Variants in VWA5B1 observed in about 807,000 individuals in gnomAD.
VWA5B1 encodes the protein von Willebrand factor A domain containing 5B1, also known as von Willebrand factor A domain-containing protein 5B1.
VWA5B1 carries 115 observed loss-of-function variants against 118.2 expected under a neutral mutation model. The ratio of observed to expected loss-of-function variants is 0.97; its 90% CI spans 0.84 to 1.14. VWA5B1 has a LOEUF of 1.14. Among genes scored for constraint, VWA5B1 ranks in the 50% most tolerant of loss-of-function variants. VWA5B1 has a pLI of 0.00. For missense variants in VWA5B1, 1,596 were observed against 1,603.8 expected (o/e 1.00, Z 0.08); for synonymous variants, 682 against 658.4 (o/e 1.04, Z -0.55).
chr1:20,298,040 T>A (rs2088440252), intron 1 of VWA5B1, among the ~76,000 whole-genome samples: 1 of 145,462 alleles, frequency 6.9e-6, no homozygotes, highest in Non-Finnish European at 1.5e-5. Flanking sequence ...GGACAGAGTC[T>A]TGCTCTGTCT....
At position 20,343,182 on chromosome 1, in the gene VWA5B1, G is replaced by A. The variant is rs926415979; in HGVS notation, c.2415G>A (p.Pro805=). The A allele has an allele frequency of 5.8e-6, 9 of 1,549,010 alleles. No homozygotes were observed. The highest frequency in any genetic ancestry group is 1.2e-5 in the South Asian group (1 of 83,950). ...ERASPSRPAT[P]APVLGKALVK... Reference sequence around the variant, plus strand: ...CCAGTCCCAGCAGGCCCGCCACCCCGGCCCCGGTGCTGGGCAAGGCCCTGG... The same window carrying A: ...CCAGTCCCAGCAGGCCCGCCACCCCAGCCCCGGTGCTGGGCAAGGCCCTGG... The change falls in exon 16 of 22, where the codon CCG becomes CCA. Residue 805 remains proline (P), a synonymous_variant. Transcript: ENST00000289815.
chr1:20,307,108 G>A (rs1371553928), intron 1 of VWA5B1, among the ~76,000 whole-genome samples: 1 of 152,124 alleles, frequency 6.6e-6, no homozygotes, highest in South Asian at 2.1e-4. Context: ...ACAAAGACAC[G>A]CTGTGTGGCA....
Position 20,300,446 on chromosome 1 carries a change from C to T in VWA5B1, c.-27+9358C>T, listed in dbSNP as rs184685409. ...GCCAGGACCCAGAGCCCAGAGGGAC[C>T]CCGTGGGAAGGACCTTCTCCAGGTC... On this transcript the variant is annotated intron_variant, in intron 1 of 21. Transcript: ENST00000289815. 1.1e-4 allele frequency among the ~76,000 whole-genome samples: 16 copies of T among 152,154 alleles called. No homozygotes were observed. In the East Asian group the frequency reaches 3.1e-3, roughly 30 times the overall value.
rs1356101920 is a variant in VWA5B1, at chr1:20,317,534, G to C, written c.568G>C (p.Asp190His). Residue 190 changes from aspartate to histidine, a missense_variant, in exon 5 of 22, where the codon GAC becomes CAC. By Grantham distance (81) the Asp-to-His change is moderately conservative. Transcript: ENST00000289815. ...CTTCCCCCGGCCCTTTTCCAGCAAA[G>C]ACAGGCACTGCTTCGGTGCCTGGGC... is the stretch of plus-strand genomic sequence containing the variant. ...GTSNQQAQGKDRHCFGAWAPG... is the reference protein window; with the variant it reads ...GTSNQQAQGKHRHCFGAWAPG... 1 of 1,551,358 alleles carries C rather than the reference G, an allele frequency of 6.4e-7. No individual in the cohort carries two copies. The highest frequency in any genetic ancestry group is 2.4e-5 in the East Asian group (1 of 40,904).
At chr1:20,350,953 ACT>A in intron 20 of VWA5B1, 27 bp downstream of exon 20, 1 of 1,548,280 alleles carries the variant, frequency 6.5e-7, no homozygotes, top group Non-Finnish European at 8.7e-7. Context: ...ATAAAGGTAC[ACT>A]CTCCTGCCAC....
At chr1:20,291,284 A>G (rs143386052) in intron 1 of VWA5B1, among the ~76,000 whole-genome samples, 196 bp downstream of exon 1, 71 of 151,944 alleles carry the variant, frequency 4.7e-4, no homozygotes, top group Admixed American at 9.2e-4. Context: ...ATGCTTCAGC[A>G]TAAGAAGTGA....
At chr1:20,295,773 C>G (rs1427497174) in intron 1 of VWA5B1, among the ~76,000 whole-genome samples, 3 of 152,138 alleles carry the variant, frequency 2.0e-5, no homozygotes, top group Non-Finnish European at 2.9e-5. Context: ...ATGGGTCTAC[C>G]TGGTTCGCCG....
In VWA5B1 at chr1:20,352,162, A is replaced by G. The variant is rs938321894; in HGVS notation, c.3131A>G (p.Tyr1044Cys). 1.9e-6 allele frequency: 3 copies of G among 1,550,928 alleles called. No individual in the cohort carries two copies. The highest frequency in any genetic ancestry group is 4.9e-5 in the East Asian group (2 of 40,890). ...ESTSGNQSFD[Y>C]IPLVSLQLAS... ...ACCTCCGGGAACCAGAGCTTCGACT[A>G]CATACCTCTGGTGAGTGCCCTGACC... Residue 1044 changes from tyrosine to cysteine, a missense_variant, in exon 21 of 22, where the codon TAC (tyrosine) becomes TGC (cysteine). Coordinates refer to ENST00000289815, the MANE Select transcript of VWA5B1 (RefSeq NM_001039500.3).
At chr1:20,320,855 G>A (rs2089187800) in intron 7 of VWA5B1, among the ~76,000 whole-genome samples, 1 of 152,170 alleles carries the variant, frequency 6.6e-6, no homozygotes, top group African/African-American at 2.4e-5. Flanking sequence ...TGGCAGATGT[G>A]GCTGCTTCTG....
Position 20,343,248 on chromosome 1 carries a change from G to A in VWA5B1, c.2481G>A (p.Val827=), listed in dbSNP as rs771265220. 2.9e-4 allele frequency: 442 copies of A among 1,548,938 alleles called. No individual in the cohort carries two copies. Among genetic ancestry groups the A allele is most frequent in the South Asian group, 8.8e-4 (74 of 84,050 alleles). ...LHDSQRLQWE[V]SFELGTPGPE... is the part of the protein sequence containing the mutation. ...ACAGCCAACGCCTGCAGTGGGAGGT[G>A]AGCTTCGAGCTGGGGACCCCTGGAC... The change falls in exon 16 of 22, where the codon GTG becomes GTA. Residue 827 remains valine, a synonymous_variant. Transcript: ENST00000289815.
chr1:20,327,854 T>G (rs1276356414), intron 8 of VWA5B1, 36 bp from the exon 9 acceptor site: 2 of 1,527,988 alleles, frequency 1.3e-6, no homozygotes, highest in African/African-American at 2.8e-5. Flanking sequence ...CAAGAACTCC[T>G]TCCTGAATCC....
intron 1 of VWA5B1, among the ~76,000 whole-genome samples, chr1:20,306,688 G>T (rs2088665289): frequency 6.6e-6 from 1 of 152,162 alleles, no homozygotes; most frequent in Non-Finnish European, 1.5e-5. Context: ...TATGAATAAT[G>T]TCCTGCCCAG....
chr1:20,356,068 A>G lies in VWA5B1; in HGVS notation c.*1805A>G, dbSNP rs2101038635. On this transcript the variant is annotated 3_prime_UTR_variant, in exon 22 of 22. Transcript: ENST00000289815. ...GGTTGTCTTGCTCCAGGCTTCCAGG[A>G]GATGTGAGCGGAGCTTTGTCATCTC... 6.6e-6 allele frequency among the ~76,000 whole-genome samples: 1 copy of G among 152,298 alleles called. No homozygotes were observed. The highest frequency in any genetic ancestry group is 2.1e-4 in the South Asian group (1 of 4,820).
At chr1:20,294,848 C>T (rs934703558) in intron 1 of VWA5B1, among the ~76,000 whole-genome samples, 1 of 152,228 alleles carries the variant, frequency 6.6e-6, no homozygotes, top group African/African-American at 2.4e-5. Context: ...CTCAGCCTCC[C>T]AAAATGCTGG....
In VWA5B1 at chr1:20,355,598, C is replaced by T. The variant is rs1183554880; in HGVS notation, c.*1335C>T. ...CTTGGAGTGAAGCTCCACAGACTTC[C>T]CTCGTGGGAAGGCCTTGGAAGCTTA... On this transcript the variant is annotated 3_prime_UTR_variant, in exon 22 of 22. Coordinates refer to ENST00000289815, the MANE Select transcript of VWA5B1 (RefSeq NM_001039500.3). 6.6e-6 allele frequency among the ~76,000 whole-genome samples: 1 copy of T among 152,230 alleles called. No individual in the cohort carries two copies. Among genetic ancestry groups the T allele is most frequent in the African/African-American group, 2.4e-5 (1 of 41,468 alleles).
intron 1 of VWA5B1, among the ~76,000 whole-genome samples, chr1:20,300,155 G>A (rs1036843707): frequency 6.6e-5 from 10 of 152,224 alleles, no homozygotes; most frequent in African/African-American, 2.2e-4. Flanking sequence ...GCTGCAAAGT[G>A]AGGATGAGCT....
chr1:20,314,562 G>A lies in VWA5B1; in HGVS notation c.533G>A (p.Ser178Asn), dbSNP rs1392270177. The change falls in exon 4 of 22, where the codon AGC becomes AAC. Residue 178 changes from serine to asparagine, a missense_variant. Coordinates refer to ENST00000289815, the MANE Select transcript of VWA5B1 (RefSeq NM_001039500.3). ...ACCGTGCCCCAGTTCTGCACCAAGAGCACTGGCACCTCCAACCAACAGGCC... is the reference window on the plus strand; with the variant it reads ...ACCGTGCCCCAGTTCTGCACCAAGAACACTGGCACCTCCAACCAACAGGCC... ...APTVPQFCTK[S>N]TGTSNQQAQG... 1 of 1,551,632 alleles carries A rather than the reference G, an allele frequency of 6.4e-7. No individual in the cohort carries two copies. The highest frequency in any genetic ancestry group is 2.0e-5 in the Admixed American group (1 of 51,012).
In VWA5B1 at chr1:20,331,778, G is replaced by A. The variant is rs144641732; in HGVS notation, c.1572+795G>A. ...CTCAAAAGCTGGGGTGCTGCATCTG[G>A]AAGCTGTCACCTAACGGCATTTCTT... is the stretch of plus-strand genomic sequence containing the variant. On this transcript the variant is annotated intron_variant, in intron 11 of 21. Transcript: ENST00000289815. Among the ~76,000 whole-genome samples the A allele has an allele frequency of 2.0e-5, 3 of 152,188 alleles. No homozygotes were observed. The East Asian group carries it at 5.8e-4, about 29-fold the overall frequency.
At chr1:20,313,679 G>A (rs1263856025) in intron 3 of VWA5B1, among the ~76,000 whole-genome samples, 1 of 152,232 alleles carries the variant, frequency 6.6e-6, no homozygotes, top group Non-Finnish European at 1.5e-5. Context: ...TACGATCAAG[G>A]TGAAGTTTGT....
Sources: gnomAD v4.1 joint callset for allele counts (sites outside exome capture counted in the v4.1 genomes callset) on GRCh38, gnomAD v4.1.1 for gene constraint, MANE v1.5 for transcripts, NCBI Gene and HGNC (gene_info 2026-07-23, HGNC 2026-07-21) for gene names.